The following FRMD4A variants were observed in gnomAD, a reference collection of about 807,000 sequenced individuals.
The protein encoded by FRMD4A is FERM domain-containing protein 4A.
FRMD4A carries 29 observed loss-of-function variants against 129.1 expected under a neutral mutation model. The ratio of observed to expected loss-of-function variants is 0.22; its 90% confidence interval spans 0.17 to 0.31. The LOEUF is 0.31. Ranked by LOEUF, FRMD4A falls within the 10% of genes least tolerant of loss-of-function variation. The pLI, the probability that FRMD4A is intolerant of heterozygous loss-of-function variation, is 1.00. For synonymous variants in FRMD4A, 634 were observed against 571.6 expected (o/e 1.11, Z -1.56); for missense variants, 1,272 against 1,375.8 (o/e 0.92, Z 1.19).
intron 3 of FRMD4A, among the ~76,000 whole-genome samples, chr10:13,813,124 T>C (rs917084928): frequency 4.6e-5 from 7 of 152,228 alleles, no homozygotes; most frequent in Non-Finnish European, 7.3e-5. Flanking sequence ...CACTTGTGAC[T>C]ATGAGGTAGT....
intron 2 of FRMD4A, among the ~76,000 whole-genome samples, chr10:13,988,727 G>C (rs577687101): frequency 1.3e-4 from 20 of 152,318 alleles, no homozygotes; most frequent in African/African-American, 4.8e-4. Flanking sequence ...TGGATGAACA[G>C]AGAGATCTCT....
chr10:14,272,882 A>G (rs983182649), intron 2 of FRMD4A, among the ~76,000 whole-genome samples: 3 of 152,322 alleles, frequency 2.0e-5, no homozygotes, highest in African/African-American at 7.2e-5. Context: ...TTTTACTCAA[A>G]TAGACGTCTT....
chr10:13,927,457 A>AT (rs1161862808), intron 2 of FRMD4A, among the ~76,000 whole-genome samples: 2 of 152,198 alleles, frequency 1.3e-5, no homozygotes, highest in East Asian at 3.9e-4. Flanking sequence ...ATATATTGGT[A>AT]TCTGATTTTT....
intron 19 of FRMD4A, among the ~76,000 whole-genome samples, chr10:13,662,078 C>T (rs2082679767): frequency 6.6e-6 from 1 of 152,038 alleles, no homozygotes; most frequent in Non-Finnish European, 1.5e-5. Context: ...TCAAAATTAC[C>T]CCGTGACATT....
Position 14,166,337 on chromosome 10 carries a change from C to G in FRMD4A, c.45+163721G>C, listed in dbSNP as rs139045511. On this transcript the variant is annotated intron_variant, in intron 2 of 24. Transcript: ENST00000357447. ...TGTCATTACTTCAAATATTGATTAA[C>G]ATGGTTTCATAATGATACAAGAAAC... Among the ~76,000 whole-genome samples the G allele has an allele frequency of 4.5e-3, 679 of 151,862 alleles. 3 individuals carry two copies. The highest frequency in any genetic ancestry group is 0.015 in the African/African-American group (632 of 41,414).
chr10:13,666,084 G>A lies in FRMD4A; in HGVS notation c.1603+13C>T, dbSNP rs750072034. On this transcript the variant is annotated intron_variant, in intron 18 of 24. Coordinates refer to ENST00000357447, the MANE Select transcript of FRMD4A (RefSeq NM_018027.5). ...CGTGGGAGTGGGGTGGGGGCAGCCC[G>A]GTTGGCACTGACCGTCTATGATCAG... The A allele has an allele frequency of 1.4e-5, 22 of 1,540,492 alleles. No individual in the cohort carries two copies. The highest frequency in any genetic ancestry group is 1.5e-5 in the Non-Finnish European group (17 of 1,113,272).
chr10:13,713,285 A>G (rs2088228322), intron 12 of FRMD4A, among the ~76,000 whole-genome samples: 1 of 152,150 alleles, frequency 6.6e-6, no homozygotes, highest in African/African-American at 2.4e-5. Context: ...GAGGTTAAAT[A>G]AGTAATTGAT....
intron 2 of FRMD4A, among the ~76,000 whole-genome samples, chr10:14,039,407 C>CTATCTATCTATCTATCTATCT (rs1833672639): frequency 3.4e-4 from 50 of 147,812 alleles, no homozygotes; most frequent in African/African-American, 1.2e-3. Context: ...TCCATCCATC[C>CTATCTATCTATCTATCTATCT]ATCTATCTAT....
chr10:14,170,158 G>A (rs1442539506), intron 2 of FRMD4A, among the ~76,000 whole-genome samples: 2 of 152,092 alleles, frequency 1.3e-5, no homozygotes, highest in East Asian at 1.9e-4. Flanking sequence ...TCTTCCTTTT[G>A]ATCCTATATT....
intron 2 of FRMD4A, among the ~76,000 whole-genome samples, chr10:14,180,350 A>T (rs904517286): frequency 2.0e-5 from 3 of 152,198 alleles, no homozygotes; most frequent in Non-Finnish European, 4.4e-5. Flanking sequence ...TTATCCATGC[A>T]ATTTGCTGTG....
intron 2 of FRMD4A, among the ~76,000 whole-genome samples, chr10:14,036,197 C>G (rs576025745): frequency 6.6e-6 from 1 of 152,242 alleles, no homozygotes; most frequent in Non-Finnish European, 1.5e-5. Flanking sequence ...CAATTGCACA[C>G]TTCTGGTGGT....
chr10:14,043,052 A>G (rs1833847752), intron 2 of FRMD4A, among the ~76,000 whole-genome samples: 1 of 152,176 alleles, frequency 6.6e-6, no homozygotes, highest in Non-Finnish European at 1.5e-5. Flanking sequence ...TATTTTCATC[A>G]GACACTTAGA....
chr10:14,233,184 AATATG>A (rs372222642), intron 2 of FRMD4A, among the ~76,000 whole-genome samples: 48 of 152,332 alleles, frequency 3.2e-4, no homozygotes, highest in African/African-American at 1.0e-3. Flanking sequence ...GGTTACTCTT[AATATG>A]ATATAATTAG....
intron 2 of FRMD4A, among the ~76,000 whole-genome samples, chr10:13,953,991 G>A (rs1588519185): frequency 6.6e-6 from 1 of 152,116 alleles, no homozygotes; most frequent in East Asian, 1.9e-4. Context: ...AATCACCATA[G>A]GGCAGCAGCC....
intron 2 of FRMD4A, among the ~76,000 whole-genome samples, chr10:14,170,822 C>CT (rs1159005141): frequency 3.5e-5 from 1 of 28,488 alleles, no homozygotes; most frequent in Non-Finnish European, 2.1e-4. Context: ...GGCCTCTTCT[C>CT]CCCGTCCTCT....
At chr10:14,291,699 C>G (rs992964128) in intron 2 of FRMD4A, among the ~76,000 whole-genome samples, 4 of 151,788 alleles carry the variant, frequency 2.6e-5, no homozygotes, top group Admixed American at 2.6e-4. Context: ...TAGAAAGTAA[C>G]ACATTTAATG....
intron 2 of FRMD4A, among the ~76,000 whole-genome samples, chr10:14,155,625 G>A (rs993658619): frequency 6.6e-6 from 1 of 152,162 alleles, no homozygotes; most frequent in African/African-American, 2.4e-5. Flanking sequence ...CCTCTGATCA[G>A]GTTATATGGA....
At chr10:14,181,514 T>C (rs911273058) in intron 2 of FRMD4A, among the ~76,000 whole-genome samples, 3 of 152,234 alleles carry the variant, frequency 2.0e-5, no homozygotes, top group Admixed American at 1.3e-4. Context: ...AAAGTTAGCA[T>C]GCAGGGTAGC....
intron 19 of FRMD4A, among the ~76,000 whole-genome samples, chr10:13,662,949 T>G (rs1432976453): frequency 6.6e-6 from 1 of 152,104 alleles, no homozygotes; most frequent in Non-Finnish European, 1.5e-5. Context: ...GGCTCCTGCC[T>G]GTAATCCTCC....
Sources: gnomAD v4.1 joint callset for allele counts (sites outside exome capture counted in the v4.1 genomes callset) on GRCh38, gnomAD v4.1.1 for gene constraint, MANE v1.5 for transcripts, NCBI Gene and HGNC (gene_info 2026-07-23, HGNC 2026-07-21) for gene names.